TFB1M: variants seen among roughly 807,000 people sequenced by gnomAD.
The protein encoded by TFB1M is dimethyladenosine transferase 1, mitochondrial.
TFB1M carries 27 observed loss-of-function variants against 31.1 expected under a neutral mutation model. The observed-to-expected ratio is 0.87, with a 90% CI of 0.64 to 1.20. TFB1M has a LOEUF of 1.20. Ranked by LOEUF, TFB1M falls within the 50% of genes most tolerant of loss-of-function variation. TFB1M has a pLI of 0.00. For missense variants in TFB1M, 394 were observed against 418.7 expected (o/e 0.94, Z 0.51); for synonymous variants, 166 against 151.8 (o/e 1.09, Z -0.69).
At chr6:155,291,182 C>T (rs1776908454) in intron 4 of TFB1M, among the ~76,000 whole-genome samples, 1 of 152,152 alleles carries the variant, frequency 6.6e-6, no homozygotes, top group Non-Finnish European at 1.5e-5. Context: ...GGACTTGGCC[C>T]TTAACTTGTG....
the TFB1M span, among the ~76,000 whole-genome samples, chr6:155,246,468 C>T: frequency 6.6e-6 from 1 of 152,150 alleles, no homozygotes; most frequent in East Asian, 1.9e-4. Flanking sequence ...CACAAACACC[C>T]TCTTTTTAAT....
chr6:155,305,516 T>A (rs1372034235), intron 2 of TFB1M, among the ~76,000 whole-genome samples: 2 of 39,566 alleles, frequency 5.1e-5, no homozygotes, highest in Admixed American at 5.0e-4. Context: ...TATATATTTA[T>A]ATATATATTA....
At chr6:155,246,972 A>G in the TFB1M span, among the ~76,000 whole-genome samples, 1 of 152,234 alleles carries the variant, frequency 6.6e-6, no homozygotes, top group South Asian at 2.1e-4. Flanking sequence ...GCTGGTACCC[A>G]AACCAAATGC....
intron 4 of TFB1M, among the ~76,000 whole-genome samples, chr6:155,288,389 A>G (rs1178323921): frequency 6.6e-6 from 1 of 152,234 alleles, no homozygotes; most frequent in Non-Finnish European, 1.5e-5. Context: ...TCATACAGCT[A>G]CAAAAAATGA....
chr6:155,308,687 T>A (rs893836042), intron 2 of TFB1M, among the ~76,000 whole-genome samples: 1 of 152,344 alleles, frequency 6.6e-6, no homozygotes, highest in Non-Finnish European at 1.5e-5. Context: ...TAGCACCAGT[T>A]TTTCTTTCCC....
chr6:155,262,935 C>G (rs1351357551), intron 5 of TFB1M, among the ~76,000 whole-genome samples: 1 of 152,202 alleles, frequency 6.6e-6, no homozygotes, highest in Non-Finnish European at 1.5e-5. Flanking sequence ...AGTTTGAATA[C>G]AATTCCAATA....
chr6:155,251,131 C>A, the TFB1M span: 1 of 927,564 alleles, frequency 1.1e-6, no homozygotes, highest in South Asian at 1.4e-5. Flanking sequence ...GTCAGAATTG[C>A]TATAATGGTT....
intron 2 of TFB1M, among the ~76,000 whole-genome samples, chr6:155,306,719 TAA>T (rs1777781136): frequency 6.6e-6 from 1 of 152,012 alleles, no homozygotes; most frequent in Admixed American, 6.5e-5. Flanking sequence ...CTGAGATAGA[TAA>T]AGGGGGAAGG....
At chr6:155,259,096 T>C (rs985524906) in intron 6 of TFB1M, among the ~76,000 whole-genome samples, 3 of 152,174 alleles carry the variant, frequency 2.0e-5, no homozygotes, top group Non-Finnish European at 4.4e-5. Context: ...ATTCCAGGAT[T>C]TCCAAAAGCA....
intron 5 of TFB1M, among the ~76,000 whole-genome samples, chr6:155,280,103 T>G (rs537598988): frequency 6.6e-6 from 1 of 152,118 alleles, no homozygotes; most frequent in Non-Finnish European, 1.5e-5. Context: ...CTATTAAATG[T>G]TCCTGGTTGA....
chr6:155,302,533 T>C (rs934562378), intron 2 of TFB1M, among the ~76,000 whole-genome samples: 2 of 152,186 alleles, frequency 1.3e-5, no homozygotes, highest in South Asian at 2.1e-4. Context: ...GCTTTATTTT[T>C]TTTTAGTATG....
At chr6:155,239,196 C>CAGGCATGA in the TFB1M span, among the ~76,000 whole-genome samples, 1 of 152,182 alleles carries the variant, frequency 6.6e-6, no homozygotes, top group Admixed American at 6.5e-5. Flanking sequence ...GGATAGAGGT[C>CAGGCATGA]AGGCATGAAG....
chr6:155,234,923 C>T, the TFB1M span, among the ~76,000 whole-genome samples: 9 of 152,036 alleles, frequency 5.9e-5, no homozygotes, highest in African/African-American at 1.7e-4. Context: ...TTTGCCTGTG[C>T]TCTGCTAAAT....
At chr6:155,254,370 C>A, downstream of TFB1M, 3 of 1,593,234 alleles carry the variant, frequency 1.9e-6, no homozygotes, top group Non-Finnish European at 2.6e-6. Context: ...AATGGAAGCA[C>A]GATGAACACT....
chr6:155,242,214 A>AGCCTGTGAG, the TFB1M span, among the ~76,000 whole-genome samples: 2 of 152,242 alleles, frequency 1.3e-5, no homozygotes, highest in Non-Finnish European at 2.9e-5. Flanking sequence ...AGGCAGCACC[A>AGCCTGTGAG]GCCTGTGAGG....
At chr6:155,242,002 G>A in the TFB1M span, among the ~76,000 whole-genome samples, 1 of 152,188 alleles carries the variant, frequency 6.6e-6, no homozygotes, top group Non-Finnish European at 1.5e-5. Flanking sequence ...TTCCTGTTAG[G>A]CCACGCTGTA....
intron 2 of TFB1M, among the ~76,000 whole-genome samples, chr6:155,304,175 G>A (rs1376341453): frequency 2.0e-5 from 3 of 152,148 alleles, no homozygotes; most frequent in Admixed American, 6.5e-5. Context: ...CCAGCTACTC[G>A]TCAGGCTGAG....
chr6:155,240,783 A>C, the TFB1M span: 1 of 1,487,212 alleles, frequency 6.7e-7, no homozygotes, highest in Non-Finnish European at 9.1e-7. Flanking sequence ...AGAGGTCCCC[A>C]GATCACCTCT....
chr6:155,290,206 G>C (rs2114755718), intron 4 of TFB1M, among the ~76,000 whole-genome samples: 1 of 151,980 alleles, frequency 6.6e-6, no homozygotes, highest in Non-Finnish European at 1.5e-5. Context: ...CTAACATGGT[G>C]AAACCCCGTC....
Sources: allele counts gnomAD v4.1 joint callset (sites outside exome capture counted in the v4.1 genomes callset), GRCh38; gene constraint gnomAD v4.1.1; transcripts MANE v1.5; gene names NCBI Gene and HGNC (gene_info 2026-07-23, HGNC 2026-07-21).